Variants in GPC5 observed in about 807,000 individuals in gnomAD.
GPC5 encodes glypican 5.
A neutral mutation model predicts 53.9 loss-of-function variants in GPC5; 47 were observed. The observed-to-expected ratio is 0.87, with a 90% CI of 0.69 to 1.11. The LOEUF is 1.11. Among genes scored for constraint, GPC5 ranks in the 50% most tolerant of loss-of-function variants. The probability of loss-of-function intolerance (pLI) is 0.00; values close to 1 mark genes in which losing one functional copy is unlikely to be tolerated. For synonymous variants in GPC5, 286 were observed against 263.3 expected (o/e 1.09, Z -0.84); for missense variants, 748 against 713.1 (o/e 1.05, Z -0.56).
intron 6 of GPC5, among the ~76,000 whole-genome samples, chr13:92,098,363 C>T (rs1490553846): frequency 6.6e-6 from 1 of 152,096 alleles, no homozygotes; most frequent in East Asian, 1.9e-4. Flanking sequence ...GACCTTTGCA[C>T]CTTTGTAACC....
chr13:91,514,935 T>C (rs1885414982), intron 2 of GPC5, among the ~76,000 whole-genome samples: 1 of 152,222 alleles, frequency 6.6e-6, no homozygotes, highest in Non-Finnish European at 1.5e-5. Context: ...ATACTTTATA[T>C]CTGCGCTATT....
At chr13:92,108,946 T>A (rs1255579855) in intron 6 of GPC5, among the ~76,000 whole-genome samples, 1 of 152,132 alleles carries the variant, frequency 6.6e-6, no homozygotes, top group Admixed American at 6.6e-5. Flanking sequence ...TCTTCCTTAG[T>A]TCATCTTTTC....
At chr13:91,543,180 A>G (rs558064587) in intron 2 of GPC5, among the ~76,000 whole-genome samples, 1 of 151,602 alleles carries the variant, frequency 6.6e-6, no homozygotes, top group East Asian at 1.9e-4. Flanking sequence ...TTTAATAGAG[A>G]CCTGGATTCT....
intron 7 of GPC5, among the ~76,000 whole-genome samples, chr13:92,233,183 G>T (rs1201581977): frequency 6.6e-6 from 1 of 152,288 alleles, no homozygotes; most frequent in African/African-American, 2.4e-5. Context: ...TGGTGAACCT[G>T]CCTTATAGCA....
intron 2 of GPC5, among the ~76,000 whole-genome samples, chr13:91,494,441 A>G (rs1050851761): frequency 1.3e-5 from 2 of 151,632 alleles, no homozygotes; most frequent in African/African-American, 4.8e-5. Flanking sequence ...CAACCAAACA[A>G]CTCTAGAATG....
intron 5 of GPC5, among the ~76,000 whole-genome samples, chr13:91,870,709 A>T (rs1317107124): frequency 6.6e-6 from 1 of 152,226 alleles, no homozygotes; most frequent in African/African-American, 2.4e-5. Flanking sequence ...TTAAAAATTT[A>T]TGTATTAAGC....
At chr13:91,884,054 C>T (rs1230772119) in intron 5 of GPC5, among the ~76,000 whole-genome samples, 1 of 152,084 alleles carries the variant, frequency 6.6e-6, no homozygotes, top group Non-Finnish European at 1.5e-5. Flanking sequence ...AGTGAGTTAC[C>T]ATCTCACACC....
intron 6 of GPC5, among the ~76,000 whole-genome samples, chr13:91,973,830 A>G (rs1438843533): frequency 6.6e-6 from 1 of 152,122 alleles, no homozygotes; most frequent in Non-Finnish European, 1.5e-5. Flanking sequence ...CTGCTGCCTG[A>G]TCATTCCTCT....
chr13:91,734,494 G>T (rs1175970935), intron 4 of GPC5, among the ~76,000 whole-genome samples: 2 of 151,412 alleles, frequency 1.3e-5, no homozygotes, highest in Non-Finnish European at 2.9e-5. Context: ...AGACTCACAG[G>T]ATAATGGTAT....
At chr13:92,009,973 A>G (rs1244489264) in intron 6 of GPC5, among the ~76,000 whole-genome samples, 3 of 152,186 alleles carry the variant, frequency 2.0e-5, no homozygotes, top group African/African-American at 7.2e-5. Flanking sequence ...ATCCCCTTGT[A>G]TAATTTTGTA....
Position 91,645,315 on chromosome 13 carries a change from G to A in GPC5, c.326-47872G>A, listed in dbSNP as rs575164231. Among the ~76,000 whole-genome samples the A allele has an allele frequency of 5.9e-5, 9 of 152,138 alleles. No homozygotes were observed. The South Asian group carries it at 1.0e-3, about 18-fold the overall frequency. ...ACTTGATTTCACCCTTACTGCCCCC[G>A]ATTTTACCTTTGAATTTAACTTCTC... On this transcript the variant is annotated intron_variant, in intron 2 of 7. Transcript: ENST00000377067.
chr13:91,920,771 C>T (rs2039703673), intron 6 of GPC5, among the ~76,000 whole-genome samples: 1 of 151,978 alleles, frequency 6.6e-6, no homozygotes, highest in African/African-American at 2.4e-5. Context: ...TAAAAAATGC[C>T]TTCAAATTAT....
intron 6 of GPC5, among the ~76,000 whole-genome samples, chr13:91,912,836 A>C (rs2039622892): frequency 6.6e-6 from 1 of 152,186 alleles, no homozygotes; most frequent in South Asian, 2.1e-4. Flanking sequence ...GTTGAAACTA[A>C]CAATATGTTC....
At chr13:91,559,670 C>T (rs890748888) in intron 2 of GPC5, among the ~76,000 whole-genome samples, 2 of 151,996 alleles carry the variant, frequency 1.3e-5, no homozygotes, top group Non-Finnish European at 2.9e-5. Context: ...CCTTCCTTAC[C>T]ACTTGAACAA....
In GPC5 at chr13:92,224,032, C is replaced by T. The variant is rs192053290; in HGVS notation, c.1561+79043C>T. Among the ~76,000 whole-genome samples, 21 of 151,948 alleles carry T rather than the reference C, an allele frequency of 1.4e-4. 1 individual carries two copies. The Middle Eastern group carries it at 0.014, about 99-fold the overall frequency. ...CACGCATGTTGAAACTTGATCAAAC[C>T]CTGTTTTAACAACACTATAAAAACT... is the stretch of plus-strand genomic sequence containing the variant. On this transcript the variant is annotated intron_variant, in intron 7 of 7. Transcript: ENST00000377067.
chr13:92,280,953 G>C (rs976065549), intron 7 of GPC5, among the ~76,000 whole-genome samples: 1 of 152,176 alleles, frequency 6.6e-6, no homozygotes, highest in Non-Finnish European at 1.5e-5. Context: ...GCAAGGCATC[G>C]CCTCACCCAG....
chr13:91,758,469 A>T (rs960902874), intron 5 of GPC5, among the ~76,000 whole-genome samples: 1 of 152,122 alleles, frequency 6.6e-6, no homozygotes, highest in African/African-American at 2.4e-5. Flanking sequence ...ATCTGAATTT[A>T]TCCCATTCCT....
chr13:92,681,776 T>A (rs1417176774), intron 7 of GPC5, among the ~76,000 whole-genome samples: 1 of 152,194 alleles, frequency 6.6e-6, no homozygotes, highest in Non-Finnish European at 1.5e-5. Context: ...CCCTTAACTT[T>A]GCTCACAATG....
At chr13:91,643,207 G>C (rs2034476131) in intron 2 of GPC5, among the ~76,000 whole-genome samples, 1 of 152,096 alleles carries the variant, frequency 6.6e-6, no homozygotes. Context: ...GCAAGAAAAA[G>C]ATAAAGCCTC....
Sources: gnomAD v4.1 joint callset for allele counts (sites outside exome capture counted in the v4.1 genomes callset) on GRCh38, gnomAD v4.1.1 for gene constraint, MANE v1.5 for transcripts, NCBI Gene and HGNC (gene_info 2026-07-23, HGNC 2026-07-21) for gene names.